The following KLHL1 variants were observed in gnomAD, a reference collection of about 807,000 sequenced individuals.
KLHL1 encodes the protein kelch like family member 1, also known as kelch-like protein 1.
KLHL1 carries 47 observed loss-of-function variants against 77.7 expected under a neutral mutation model. The ratio of observed to expected loss-of-function variants is 0.60; its 90% CI spans 0.48 to 0.77. The LOEUF is 0.77. Ranked by LOEUF, KLHL1 falls within the 30% of genes least tolerant of loss-of-function variation. The pLI is 0.00. For synonymous variants in KLHL1, 360 were observed against 325.2 expected (o/e 1.11, Z -1.15); for missense variants, 925 against 910.8 (o/e 1.02, Z -0.20).
At chr13:70,070,670 G>T (rs1169362233) in intron 1 of KLHL1, among the ~76,000 whole-genome samples, 2 of 151,770 alleles carry the variant, frequency 1.3e-5, no homozygotes, top group Non-Finnish European at 2.9e-5. Context: ...CATATAGAAA[G>T]GAAGAATGCG....
chr13:69,875,330 A>C (rs1448455816), intron 5 of KLHL1, among the ~76,000 whole-genome samples: 1 of 152,096 alleles, frequency 6.6e-6, no homozygotes, highest in East Asian at 1.9e-4. Context: ...TGTGTGTTTG[A>C]AACAACAGAA....
At chr13:70,026,703 G>GGTGTGT (rs3072710) in intron 1 of KLHL1, among the ~76,000 whole-genome samples, 1 of 85,256 alleles carries the variant, frequency 1.2e-5, no homozygotes, top group African/African-American at 3.0e-5. Context: ...AAGAACTTAG[G>GGTGTGT]GTGTGTGTGT....
intron 1 of KLHL1, among the ~76,000 whole-genome samples, chr13:70,086,602 G>C (rs142985707): frequency 2.6e-5 from 1 of 37,896 alleles, no homozygotes; most frequent in East Asian, 4.9e-4. Flanking sequence ...AAGAAAGAAA[G>C]AAAGAAAGAA....
intron 1 of KLHL1, among the ~76,000 whole-genome samples, chr13:70,006,497 C>G (rs550906729): frequency 8.8e-6 from 1 of 113,346 alleles, no homozygotes; most frequent in East Asian, 2.2e-4. Flanking sequence ...AGTATTCCCC[C>G]TCAAGTTTTT....
intron 1 of KLHL1, among the ~76,000 whole-genome samples, chr13:70,015,544 A>G (rs1885636676): frequency 6.6e-6 from 1 of 152,176 alleles, no homozygotes; most frequent in African/African-American, 2.4e-5. Context: ...TTTAGCATAA[A>G]CCATACTTTG....
In KLHL1 at chr13:69,740,388, A is replaced by C; in HGVS notation, c.1802+6T>G. On this transcript the variant is annotated splice_donor_region_variant and intron_variant, in intron 8 of 10. Transcript: ENST00000377844. ...AGATTAAAAAATAAGAAAAAAATTT[A>C]CTTACTTGCCATTCAATGCTGCTAC... 6.5e-7 allele frequency: 1 copy of C among 1,529,444 alleles called. No homozygotes were observed. Among genetic ancestry groups the C allele is most frequent in the East Asian group, 2.3e-5 (1 of 43,908 alleles). The allele number at this position is 1,529,444 out of a possible 1,614,324, so 94.7% of individuals were successfully genotyped here. A position where few individuals can be genotyped will look rare whatever the true frequency, so the allele number is the denominator to read the frequency against.
intron 4 of KLHL1, among the ~76,000 whole-genome samples, chr13:69,934,963 T>C (rs916083018): frequency 7.9e-4 from 10 of 12,676 alleles, no homozygotes; most frequent in South Asian, 5.4e-3. Context: ...TGTGCATGTG[T>C]ATATATATAT....
intron 4 of KLHL1, among the ~76,000 whole-genome samples, chr13:69,912,502 A>G (rs955257300): frequency 4.6e-5 from 7 of 152,224 alleles, no homozygotes; most frequent in Admixed American, 3.9e-4. Flanking sequence ...TCAACAATGT[A>G]TCAGGAAGCA....
chr13:69,811,875 T>C (rs1877896495), intron 6 of KLHL1, among the ~76,000 whole-genome samples: 1 of 152,200 alleles, frequency 6.6e-6, no homozygotes, highest in African/African-American at 2.4e-5. Context: ...ATTGATTTTT[T>C]GAAGGGTTTT....
intron 1 of KLHL1, among the ~76,000 whole-genome samples, chr13:70,014,915 A>T (rs1295078045): frequency 6.6e-6 from 1 of 152,154 alleles, no homozygotes; most frequent in Non-Finnish European, 1.5e-5. Flanking sequence ...CACTATGTTA[A>T]ACCATTTTAA....
chr13:69,949,071 CCATATGA>C (rs1883621258), intron 3 of KLHL1, among the ~76,000 whole-genome samples: 1 of 151,822 alleles, frequency 6.6e-6, no homozygotes, highest in African/African-American at 2.4e-5. Context: ...CAGCGATTTT[CCATATGA>C]CATATAACTG....
chr13:70,072,997 G>GC (rs1887173042), intron 1 of KLHL1, among the ~76,000 whole-genome samples: 1 of 152,144 alleles, frequency 6.6e-6, no homozygotes, highest in Non-Finnish European at 1.5e-5. Context: ...GTGGAAGACA[G>GC]TTGGTGATTC....
At chr13:69,866,088 C>T (rs142044962) in intron 5 of KLHL1, among the ~76,000 whole-genome samples, 46 of 152,194 alleles carry the variant, frequency 3.0e-4, no homozygotes, top group Non-Finnish European at 5.9e-4. Flanking sequence ...AAATATTCAT[C>T]ACTCCCTAAA....
chr13:70,004,160 A>G (rs1005538608), intron 1 of KLHL1, among the ~76,000 whole-genome samples: 1 of 151,888 alleles, frequency 6.6e-6, no homozygotes, highest in Admixed American at 6.6e-5. Flanking sequence ...GAAATTTATT[A>G]TCTAATGATT....
At chr13:69,783,648 C>A (rs1362648951) in intron 7 of KLHL1, among the ~76,000 whole-genome samples, 1 of 143,832 alleles carries the variant, frequency 7.0e-6, no homozygotes, top group Non-Finnish European at 1.5e-5. Context: ...AAGAAACGAA[C>A]AAAGCCTCCA....
At chr13:69,986,529 A>G (rs989667312) in intron 1 of KLHL1, among the ~76,000 whole-genome samples, 3 of 152,042 alleles carry the variant, frequency 2.0e-5, no homozygotes, top group African/African-American at 7.2e-5. Flanking sequence ...TTGATATTAA[A>G]CCATTCTTAT....
chr13:70,034,347 C>G (rs1886187795), intron 1 of KLHL1, among the ~76,000 whole-genome samples: 1 of 152,170 alleles, frequency 6.6e-6, no homozygotes, highest in Non-Finnish European at 1.5e-5. Flanking sequence ...ATTCTCTTCC[C>G]TATTCCAAAC....
intron 1 of KLHL1, among the ~76,000 whole-genome samples, chr13:70,105,696 A>AT (rs1409660283): frequency 6.6e-6 from 1 of 151,214 alleles, no homozygotes; most frequent in Non-Finnish European, 1.5e-5. Flanking sequence ...AGTACATTTG[A>AT]TTTTTTAAAT....
intron 6 of KLHL1, among the ~76,000 whole-genome samples, chr13:69,830,347 TAA>T (rs1390795374): frequency 2.0e-5 from 3 of 149,820 alleles, no homozygotes; most frequent in Non-Finnish European, 3.0e-5. Context: ...TTTAAAAAGG[TAA>T]AGAGGGACAT....
Sources: allele counts gnomAD v4.1 joint callset (sites outside exome capture counted in the v4.1 genomes callset), GRCh38; gene constraint gnomAD v4.1.1; transcripts MANE v1.5; gene names NCBI Gene and HGNC (gene_info 2026-07-23, HGNC 2026-07-21).